CSMD3: variants seen among roughly 807,000 people sequenced by gnomAD.
CSMD3 encodes CUB and sushi domain-containing protein 3.
In CSMD3, 177 loss-of-function variants were observed where a neutral mutation model predicts 435.2. The observed-to-expected ratio is 0.41, with a 90% CI of 0.36 to 0.46. The LOEUF (loss-of-function observed/expected upper bound fraction) is 0.46, where lower values mean the gene tolerates loss of function less well. Ranked by LOEUF, CSMD3 falls within the 20% of genes least tolerant of loss-of-function variation. The pLI is 0.34. For synonymous variants in CSMD3, 1,656 were observed against 1,520.5 expected (o/e 1.09, Z -2.07); for missense variants, 4,265 against 4,504.6 (o/e 0.95, Z 1.52).
At chr8:112,707,793 A>T (rs2076531125) in intron 13 of CSMD3, among the ~76,000 whole-genome samples, 1 of 152,096 alleles carries the variant, frequency 6.6e-6, no homozygotes, top group African/African-American at 2.4e-5. Context: ...TATTATCCGC[A>T]TTTTAACTCT....
At chr8:112,901,871 C>A (rs967344334) in intron 10 of CSMD3, among the ~76,000 whole-genome samples, 2 of 151,214 alleles carry the variant, frequency 1.3e-5, no homozygotes, top group South Asian at 2.1e-4. Context: ...TGATGGGGTT[C>A]GGGTAAAGTT....
chr8:113,079,218 C>T (rs941875583), intron 5 of CSMD3, among the ~76,000 whole-genome samples: 1 of 152,068 alleles, frequency 6.6e-6, no homozygotes, highest in Non-Finnish European at 1.5e-5. Context: ...TGGGATTTCT[C>T]AGAATAAATG....
intron 35 of CSMD3, among the ~76,000 whole-genome samples, chr8:112,399,358 T>C (rs2129890552): frequency 6.6e-6 from 1 of 152,050 alleles, no homozygotes; most frequent in South Asian, 2.1e-4. Flanking sequence ...CCTCCTGGGT[T>C]CAAGCGATTC....
At chr8:113,289,554 C>CAGAGAG (rs66595138) in intron 2 of CSMD3, among the ~76,000 whole-genome samples, 11,992 of 143,164 alleles carry the variant, frequency 0.084, 614 homozygotes, top group Middle Eastern at 0.13. Flanking sequence ...CAGAGAGAGA[C>CAGAGAG]AGAGAGAGAG....
chr8:112,568,654 G>T (rs1298108121), intron 24 of CSMD3, among the ~76,000 whole-genome samples: 1 of 152,086 alleles, frequency 6.6e-6, no homozygotes, highest in Non-Finnish European at 1.5e-5. Flanking sequence ...TTCATACTAG[G>T]TATGCATATA....
intron 5 of CSMD3, among the ~76,000 whole-genome samples, chr8:113,077,441 C>T (rs184669468): frequency 1.3e-5 from 2 of 152,256 alleles, no homozygotes; most frequent in Non-Finnish European, 2.9e-5. Flanking sequence ...GTGGCTCACG[C>T]CTGTAATCCC....
intron 1 of CSMD3, among the ~76,000 whole-genome samples, chr8:113,357,639 T>C (rs2094240956): frequency 6.6e-6 from 1 of 152,340 alleles, no homozygotes; most frequent in Admixed American, 6.5e-5. Context: ...GTTTGGCTTG[T>C]GCCCCCACCC....
intron 13 of CSMD3, among the ~76,000 whole-genome samples, chr8:112,787,204 G>A (rs1364310208): frequency 2.6e-5 from 4 of 152,128 alleles, no homozygotes; most frequent in African/African-American, 7.2e-5. Flanking sequence ...ATGTGTGCAT[G>A]TGTCTTTATA....
intron 11 of CSMD3, among the ~76,000 whole-genome samples, chr8:112,841,717 T>A (rs2080182678): frequency 1.3e-5 from 2 of 151,680 alleles, no homozygotes; most frequent in Non-Finnish European, 1.5e-5. Flanking sequence ...TGTCCTTGGA[T>A]GTTAGAGATC....
At chr8:112,932,730 C>T (rs1353847778) in intron 9 of CSMD3, among the ~76,000 whole-genome samples, 1 of 151,870 alleles carries the variant, frequency 6.6e-6, no homozygotes, top group Non-Finnish European at 1.5e-5. Flanking sequence ...TAATGGATAC[C>T]TACAGTTAGA....
chr8:113,426,604 C>T (rs921482401), intron 1 of CSMD3, among the ~76,000 whole-genome samples: 1 of 151,108 alleles, frequency 6.6e-6, no homozygotes, highest in Non-Finnish European at 1.5e-5. Context: ...TATTAAGTAG[C>T]TATCAAAGAA....
intron 5 of CSMD3, among the ~76,000 whole-genome samples, chr8:113,026,526 GT>G (rs2086882605): frequency 6.6e-6 from 1 of 152,122 alleles, no homozygotes; most frequent in African/African-American, 2.4e-5. Flanking sequence ...TTAGTGATAA[GT>G]TTTCTATGTT....
At chr8:112,486,223 A>G (rs1820120655) in intron 31 of CSMD3, among the ~76,000 whole-genome samples, 1 of 151,946 alleles carries the variant, frequency 6.6e-6, no homozygotes, top group African/African-American at 2.4e-5. Flanking sequence ...TTTGTAAAAC[A>G]TTAAACCAAT....
intron 13 of CSMD3, among the ~76,000 whole-genome samples, chr8:112,706,202 A>ACATT (rs966249323): frequency 6.6e-6 from 1 of 152,036 alleles, no homozygotes; most frequent in Non-Finnish European, 1.5e-5. Context: ...TCTTGTTCAC[A>ACATT]CATTCATTCA....
chr8:112,265,348 T>C, intron 60 of CSMD3, 63 bp downstream of exon 60: 1 of 1,258,538 alleles, frequency 7.9e-7, no homozygotes, highest in South Asian at 1.5e-5. Context: ...TAAATTTGTA[T>C]ATAAAAATAA....
chr8:112,919,115 T>C (rs2082656922), intron 10 of CSMD3, among the ~76,000 whole-genome samples: 1 of 151,984 alleles, frequency 6.6e-6, no homozygotes, highest in Non-Finnish European at 1.5e-5. Context: ...AATGCAGCTA[T>C]GTCTAATATC....
chr8:113,340,756 C>G (rs151204735), intron 1 of CSMD3, among the ~76,000 whole-genome samples: 1 of 151,866 alleles, frequency 6.6e-6, no homozygotes, highest in Non-Finnish European at 1.5e-5. Context: ...GTAGTCCCAG[C>G]TACTCAGGAG....
intron 31 of CSMD3, among the ~76,000 whole-genome samples, chr8:112,479,109 G>A (rs537695564): frequency 6.6e-5 from 10 of 152,268 alleles, no homozygotes; most frequent in East Asian, 1.9e-4. Context: ...TACCAACTGC[G>A]AGTACAAACT....
intron 10 of CSMD3, among the ~76,000 whole-genome samples, chr8:112,876,617 C>A (rs761285246): frequency 6.6e-6 from 1 of 151,948 alleles, no homozygotes; most frequent in African/African-American, 2.4e-5. Context: ...AAAAGGCCTT[C>A]GATAAAATTC....
Sources: allele counts gnomAD v4.1 joint callset (sites outside exome capture counted in the v4.1 genomes callset), GRCh38; gene constraint gnomAD v4.1.1; transcripts MANE v1.5; gene names NCBI Gene and HGNC (gene_info 2026-07-23, HGNC 2026-07-21).